Variants in TMEM244 observed in about 807,000 individuals in gnomAD.
TMEM244 encodes transmembrane protein 244, also known as putative transmembrane protein 244.
A neutral mutation model predicts 15.8 loss-of-function variants in TMEM244; 13 were observed. The ratio of observed to expected loss-of-function variants is 0.82; its 90% CI spans 0.53 to 1.30. TMEM244 has a LOEUF of 1.30. TMEM244 is among the 50% of genes most tolerant of loss of function. TMEM244 has a pLI of 0.00. For synonymous variants in TMEM244, 45 were observed against 48.7 expected, an observed-to-expected ratio of 0.92 and a Z score of 0.32; for missense variants, 161 against 144.9, an observed-to-expected ratio of 1.11 and a Z score of -0.57.
intron 3 of TMEM244, among the ~76,000 whole-genome samples, chr6:129,836,981 A>G (rs532195343): frequency 4.4e-4 from 67 of 152,316 alleles, no homozygotes; most frequent in African/African-American, 1.6e-3. Context: ...GGAGAATGGA[A>G]CCAAGTTAGA....
rs149614294 is a variant in TMEM244 at position 129,836,647 on chromosome 6, T to A, written c.194-3062A>T. On this transcript the variant is annotated intron_variant, in intron 3 of 4. Coordinates refer to ENST00000368143, the MANE Select transcript of TMEM244 (RefSeq NM_001010876.2). ...TTCTCTGAGATAAAGGAGCATCTTCTAACCCATTGCAAGGAAGCTAAAAAC... is the reference window on the plus strand; with the variant it reads ...TTCTCTGAGATAAAGGAGCATCTTCAAACCCATTGCAAGGAAGCTAAAAAC... 3.9e-5 allele frequency among the ~76,000 whole-genome samples: 6 copies of A among 152,250 alleles called. No homozygotes were observed. In the East Asian group the frequency reaches 9.6e-4, roughly 24 times the overall value.
Position 129,861,237 on chromosome 6 carries a change from G to A in TMEM244, c.-49C>T, listed in dbSNP as rs764767946. On this transcript the variant is annotated 5_prime_UTR_variant, in exon 1 of 5. Transcript: ENST00000368143. Reference sequence around the variant, plus strand: ...TGATGAAAGCCCCACTCCTTATAGCGATGACATCTGGAAGAAGACACAATT... The same window carrying A: ...TGATGAAAGCCCCACTCCTTATAGCAATGACATCTGGAAGAAGACACAATT... 70 of 1,602,082 alleles carry A rather than the reference G, an allele frequency of 4.4e-5. No individual in the cohort carries two copies. The highest frequency in any genetic ancestry group is 5.7e-5 in the Non-Finnish European group (67 of 1,170,946).
intron 1 of TMEM244, among the ~76,000 whole-genome samples, chr6:129,857,091 A>G (rs1776723075): frequency 6.6e-6 from 1 of 152,160 alleles, no homozygotes; most frequent in African/African-American, 2.4e-5. Context: ...GTTTGTGTGT[A>G]GAAAGGCTTC....
intron 1 of TMEM244, among the ~76,000 whole-genome samples, chr6:129,855,255 T>C (rs2114646328): frequency 6.6e-6 from 1 of 152,326 alleles, no homozygotes; most frequent in South Asian, 2.1e-4. Context: ...TATTGTTCTA[T>C]CAAGTTAGCG....
chr6:129,852,801 C>A (rs1776652692), intron 1 of TMEM244, among the ~76,000 whole-genome samples: 1 of 152,130 alleles, frequency 6.6e-6, no homozygotes, highest in Non-Finnish European at 1.5e-5. Context: ...TCTAGGTAAT[C>A]TTCTCCTGAC....
intron 1 of TMEM244, among the ~76,000 whole-genome samples, chr6:129,849,546 C>A (rs1776607896): frequency 6.6e-6 from 1 of 151,958 alleles, no homozygotes; most frequent in South Asian, 2.1e-4. Flanking sequence ...GTGGTCCAAG[C>A]CGTAGGATGC....
At chr6:129,832,373 C>T (rs1179793088) in intron 4 of TMEM244, among the ~76,000 whole-genome samples, 1 of 152,178 alleles carries the variant, frequency 6.6e-6, no homozygotes, top group Non-Finnish European at 1.5e-5. Context: ...GCTGGGATTA[C>T]AGGCGTGAGC....
At chr6:129,857,548 G>C (rs12216022) in intron 1 of TMEM244, among the ~76,000 whole-genome samples, 16 of 151,768 alleles carry the variant, frequency 1.1e-4, no homozygotes, top group African/African-American at 3.9e-4. Flanking sequence ...TTAGTAGAGA[G>C]GGGGTTTTGT....
chr6:129,851,412 G>A (rs1160432392), intron 1 of TMEM244, among the ~76,000 whole-genome samples: 4 of 152,142 alleles, frequency 2.6e-5, no homozygotes, highest in Admixed American at 6.5e-5. Context: ...GGGGTTACAG[G>A]TGTCTGCCAC....
intron 1 of TMEM244, among the ~76,000 whole-genome samples, chr6:129,851,458 C>T (rs572185649): frequency 5.3e-5 from 8 of 152,108 alleles, no homozygotes; most frequent in African/African-American, 9.6e-5. Context: ...TTAGTAGAGA[C>T]GGGGTTTCAC....
chr6:129,841,558 TTAAAA>T (rs1302404137), intron 3 of TMEM244, among the ~76,000 whole-genome samples: 2 of 152,066 alleles, frequency 1.3e-5, no homozygotes, highest in Admixed American at 6.5e-5. Context: ...ACCCTAGAAC[TTAAAA>T]TATAATAATA....
intron 2 of TMEM244, 106 bp downstream of exon 2, chr6:129,845,661 A>T (rs182826393): frequency 6.7e-5 from 59 of 884,062 alleles, no homozygotes; most frequent in Non-Finnish European, 9.2e-5. Flanking sequence ...TCTTTAAAAA[A>T]ATCCACATCC....
At chr6:129,858,186 T>A (rs937759720) in intron 1 of TMEM244, among the ~76,000 whole-genome samples, 4 of 152,180 alleles carry the variant, frequency 2.6e-5, no homozygotes, top group African/African-American at 4.8e-5. Flanking sequence ...GTTTATTTTT[T>A]GTACTATATT....
intron 1 of TMEM244, among the ~76,000 whole-genome samples, chr6:129,846,290 T>G (rs976197551): frequency 7.2e-5 from 11 of 152,200 alleles, no homozygotes; most frequent in African/African-American, 2.4e-4. Flanking sequence ...TCACTTACTA[T>G]AAAATTTTCC....
At chr6:129,860,517 T>G (rs1776792535) in intron 1 of TMEM244, among the ~76,000 whole-genome samples, 1 of 152,152 alleles carries the variant, frequency 6.6e-6, no homozygotes, top group South Asian at 2.1e-4. Flanking sequence ...ATAATTGTAA[T>G]TTAATTTTTA....
At chr6:129,856,316 A>T (rs1776708640) in intron 1 of TMEM244, among the ~76,000 whole-genome samples, 1 of 152,038 alleles carries the variant, frequency 6.6e-6, no homozygotes, top group Non-Finnish European at 1.5e-5. Flanking sequence ...ACTTTTGTCT[A>T]TTTGTGAGCT....
intron 1 of TMEM244, among the ~76,000 whole-genome samples, chr6:129,852,747 C>T (rs961429501): frequency 2.0e-5 from 3 of 152,150 alleles, no homozygotes; most frequent in South Asian, 2.1e-4. Flanking sequence ...CTGCAACCAG[C>T]GCCTCACCTT....
At chr6:129,835,337 A>G (rs1776388315) in intron 3 of TMEM244, among the ~76,000 whole-genome samples, 1 of 151,980 alleles carries the variant, frequency 6.6e-6, no homozygotes, top group Admixed American at 6.6e-5. Context: ...GTTTGAAGTT[A>G]CAATGAGCTA....
chr6:129,846,971 C>T (rs1257406384), intron 1 of TMEM244, among the ~76,000 whole-genome samples: 1 of 152,132 alleles, frequency 6.6e-6, no homozygotes, highest in Non-Finnish European at 1.5e-5. Context: ...AGATTCCAGT[C>T]TTGTACCAGA....
Sources: allele counts gnomAD v4.1 joint callset (sites outside exome capture counted in the v4.1 genomes callset), GRCh38; gene constraint gnomAD v4.1.1; transcripts MANE v1.5; gene names NCBI Gene and HGNC (gene_info 2026-07-23, HGNC 2026-07-21).